NIPSNAP1: variants seen among roughly 807,000 people sequenced by gnomAD.
NIPSNAP1 encodes the protein nipsnap homolog 1.
A neutral mutation model predicts 49.2 loss-of-function variants in NIPSNAP1; 25 were observed. The observed-to-expected ratio is 0.51, with a 90% CI of 0.37 to 0.71. The LOEUF (loss-of-function observed/expected upper bound fraction) is 0.71. NIPSNAP1 is among the 30% of genes least tolerant of loss of function. NIPSNAP1 has a pLI of 0.00. For missense variants in NIPSNAP1, 294 were observed against 361.0 expected (o/e 0.81, Z 1.50); for synonymous variants, 143 against 140.7 (o/e 1.02, Z -0.12).
Position 29,561,497 on chromosome 22 carries a change from G to A in NIPSNAP1, c.579+9C>T, listed in dbSNP as rs774379609. ...GGGGGGCAGGAGGGGGTCTGTCGGA[G>A]GGAGGCACCTTGAGCTTGTATGTCC... On this transcript the variant is annotated intron_variant, in intron 6 of 9. Coordinates refer to ENST00000216121, the MANE Select transcript of NIPSNAP1 (RefSeq NM_003634.4). The A allele has an allele frequency of 7.4e-6, 12 of 1,613,876 alleles. No homozygotes were observed. In the South Asian group the frequency reaches 1.2e-4, roughly 16 times the overall value.
chr22:29,557,522 G>A (rs919446120), intron 9 of NIPSNAP1, among the ~76,000 whole-genome samples: 1 of 151,982 alleles, frequency 6.6e-6, no homozygotes, highest in African/African-American at 2.4e-5. Flanking sequence ...CAAACTCCTG[G>A]GATCAAGTGA....
At chr22:29,575,640 G>T (rs1321883802) in intron 1 of NIPSNAP1, among the ~76,000 whole-genome samples, 1 of 152,000 alleles carries the variant, frequency 6.6e-6, no homozygotes, top group Non-Finnish European at 1.5e-5. Context: ...TAGCCCAGTG[G>T]CTCATGCCTA....
chr22:29,564,790 G>T (rs2064358288), intron 4 of NIPSNAP1, among the ~76,000 whole-genome samples: 1 of 152,200 alleles, frequency 6.6e-6, no homozygotes, highest in South Asian at 2.1e-4. Context: ...TTATTAAAAT[G>T]TAGATTCTTG....
At chr22:29,576,385 A>AC (rs1439582944) in intron 1 of NIPSNAP1, among the ~76,000 whole-genome samples, 1 of 138,278 alleles carries the variant, frequency 7.2e-6, no homozygotes, top group Non-Finnish European at 1.6e-5. Context: ...AAAATTAAAA[A>AC]CAAAAAAAAA....
In NIPSNAP1 at chr22:29,555,441, A is replaced by C. The variant is rs2064285412; in HGVS notation, c.*494T>G. 1 of 163,500 alleles carries C rather than the reference A, an allele frequency of 6.1e-6. No individual in the cohort carries two copies. Among genetic ancestry groups the C allele is most frequent in the African/African-American group, 2.4e-5 (1 of 41,750 alleles). The allele number at this position is 163,500 out of a possible 1,614,324, so 10.1% of individuals were successfully genotyped here. On this transcript the variant is annotated 3_prime_UTR_variant, in exon 10 of 10. Transcript: ENST00000216121. Reference sequence around the variant, plus strand: ...TTTGTTTTTTTGTTTTGGCAGTTCCAGGCTTTTCTCCAGCAGGAGGGACTT... The same window carrying C: ...TTTGTTTTTTTGTTTTGGCAGTTCCCGGCTTTTCTCCAGCAGGAGGGACTT...
chr22:29,559,368 CTG>C (rs1268227203), intron 8 of NIPSNAP1, among the ~76,000 whole-genome samples: 2 of 152,022 alleles, frequency 1.3e-5, no homozygotes, highest in Non-Finnish European at 2.9e-5. Flanking sequence ...TAGCGAAACT[CTG>C]TACTAAAAAT....
chr22:29,578,786 C>G (rs2146620335), intron 1 of NIPSNAP1, among the ~76,000 whole-genome samples: 1 of 151,326 alleles, frequency 6.6e-6, no homozygotes. Context: ...AGCAACTCAT[C>G]CAGGGTCACT....
intron 1 of NIPSNAP1, 92 bp downstream of exon 1, chr22:29,580,893 G>A: frequency 9.8e-7 from 1 of 1,025,384 alleles, no homozygotes. Flanking sequence ...TCCAAGCGAG[G>A]AGTCTCAGCC....
chr22:29,570,500 A>C lies in NIPSNAP1; in HGVS notation c.131T>G (p.Phe44Cys). Residue 44 changes from phenylalanine (F) to cysteine (C), a missense_variant, in exon 2 of 10, where the codon TTC becomes TGC. By Grantham distance (205) the Phe-to-Cys change is radical (BLOSUM62 -2). Around this residue, in one of 4 missense-constraint regions of NIPSNAP1, gnomAD observed 88 missense variants for 76.1 expected, o/e 1.16. Transcript: ENST00000216121. ...CACTTTGTGAACAAAGAGGGAGCGGAACCAGCTGCCTTCATTGTCCTTGGA... is the reference window on the plus strand; with the variant it reads ...CACTTTGTGAACAAAGAGGGAGCGGCACCAGCTGCCTTCATTGTCCTTGGA... ...FYSKDNEGSW[F>C]RSLFVHKVDP... 1 of 1,614,052 alleles carries C rather than the reference A, an allele frequency of 6.2e-7. No homozygotes were observed.
rs937436775 is a variant in NIPSNAP1 at position 29,581,097 on chromosome 22, G to A, written c.-15C>T. The A allele has an allele frequency of 6.5e-7, 1 of 1,540,624 alleles. No individual in the cohort carries two copies. On this transcript the variant is annotated 5_prime_UTR_variant, in exon 1 of 10. Coordinates refer to ENST00000216121, the MANE Select transcript of NIPSNAP1 (RefSeq NM_003634.4). ...CGCGGAGCCATGTTGGAGCCGCAAA[G>A]GTTGCAGGAAGGCCCCGCCCCCAAG...
At chr22:29,580,041 C>A in intron 1 of NIPSNAP1, 1 of 1,271,288 alleles carries the variant, frequency 7.9e-7, no homozygotes. Context: ...GGCTGCAGGG[C>A]AGGAGGGATG....
intron 4 of NIPSNAP1, 61 bp downstream of exon 4, chr22:29,569,132 G>A: frequency 7.2e-7 from 1 of 1,391,962 alleles, no homozygotes. Context: ...AGCCAGGTGT[G>A]AAAGGTGCTG....
At chr22:29,571,783 C>CT (rs1409265070) in intron 1 of NIPSNAP1, among the ~76,000 whole-genome samples, 11 of 150,572 alleles carry the variant, frequency 7.3e-5, no homozygotes, top group Admixed American at 2.0e-4. Flanking sequence ...TTTTTCTTTT[C>CT]TTTTTTTTTG....
chr22:29,572,724 G>C (rs1479935144), intron 1 of NIPSNAP1, among the ~76,000 whole-genome samples: 2 of 151,950 alleles, frequency 1.3e-5, no homozygotes, highest in Non-Finnish European at 2.9e-5. Flanking sequence ...ACTTGAGCCT[G>C]GGAGGTTGAG....
Position 29,555,757 on chromosome 22 carries a change from G to A in NIPSNAP1, c.*178C>T. 2 of 669,780 alleles carry A rather than the reference G, an allele frequency of 3.0e-6. No individual in the cohort carries two copies. Among genetic ancestry groups the A allele is most frequent in the East Asian group, 5.5e-5 (2 of 36,194 alleles). 41.5% of individuals were successfully genotyped at this position (669,780 alleles called of 1,614,324 possible). On this transcript the variant is annotated 3_prime_UTR_variant, in exon 10 of 10. Transcript: ENST00000216121. ...CAGGCAGGGAAAGTAGAAAGGGCCTGGGCAGAGCTGTAATCCTCAGAACTT... is the reference window on the plus strand; with the variant it reads ...CAGGCAGGGAAAGTAGAAAGGGCCTAGGCAGAGCTGTAATCCTCAGAACTT...
chr22:29,555,874 T>C lies in NIPSNAP1; in HGVS notation c.*61A>G, dbSNP rs1268180319. On this transcript the variant is annotated 3_prime_UTR_variant, in exon 10 of 10. Coordinates refer to ENST00000216121, the MANE Select transcript of NIPSNAP1 (RefSeq NM_003634.4). ...AAAACCAAGACAGCAGGACCAGGAG[T>C]GCCACTGTCTGTCGGGGTTGCCTGA... The C allele has an allele frequency of 3.5e-6, 5 of 1,444,172 alleles. No individual in the cohort carries two copies. The South Asian group carries it at 6.1e-5, about 18-fold the overall frequency. 89.5% of individuals were successfully genotyped at this position (1,444,172 alleles called of 1,614,324 possible).
rs2146603680 is a variant in NIPSNAP1 at position 29,561,601 on chromosome 22, T to C, written c.484A>G (p.Arg162Gly). The C allele has an allele frequency of 6.2e-7, 1 of 1,614,094 alleles. No individual in the cohort carries two copies. The highest frequency in any genetic ancestry group is 2.2e-5 in the East Asian group (1 of 44,876). ...RRERSQMLLS[R>G]RNQLLLEFSF... ...AACTCGAGGAGCAGCTGGTTTCTCC[T>C]GGACAGCAGCATCTGGCTCCGCTCC... is the stretch of plus-strand genomic sequence containing the variant. Residue 162 changes from arginine to glycine, a missense_variant, in exon 6 of 10, where the codon AGG (arginine) becomes GGG (glycine). Physicochemically the swap from Arg to Gly is moderately radical, Grantham distance 125. Transcript: ENST00000216121.
At chr22:29,574,289 A>AAAAAAAAAAAAAAGAAAAAG (rs2064434492) in intron 1 of NIPSNAP1, among the ~76,000 whole-genome samples, 1 of 125,268 alleles carries the variant, frequency 8.0e-6, no homozygotes, top group African/African-American at 3.3e-5. Flanking sequence ...AAAAAAAAAA[A>AAAAAAAAAAAAAAGAAAAAG]AAAGAAAGAA....
intron 1 of NIPSNAP1, among the ~76,000 whole-genome samples, chr22:29,572,322 A>G (rs2064415300): frequency 1.4e-5 from 2 of 146,384 alleles, no homozygotes; most frequent in Non-Finnish European, 3.0e-5. Flanking sequence ...AAAAAAAAAA[A>G]GGACAAATGT....
Sources: allele counts gnomAD v4.1 joint callset (sites outside exome capture counted in the v4.1 genomes callset), GRCh38; gene constraint gnomAD v4.1.1; regional missense constraint gnomAD v4.1.1; transcripts MANE v1.5; gene names NCBI Gene and HGNC (gene_info 2026-07-23, HGNC 2026-07-21).